Variants in OR56A3 observed in about 807,000 individuals in gnomAD.
OR56A3 encodes the protein olfactory receptor family 56 subfamily A member 3, also known as olfactory receptor 56A3.
In OR56A3, 23 loss-of-function variants were observed where a neutral mutation model predicts 17.5. The observed-to-expected ratio is 1.32, with a 90% CI of 0.95 to 1.87. OR56A3 has a LOEUF of 1.87. OR56A3 is among the 40% of genes most tolerant of loss of function. The pLI is 0.00. For missense variants in OR56A3, 366 were observed against 380.1 expected (o/e 0.96, Z 0.31); for synonymous variants, 175 against 150.6 (o/e 1.16, Z -1.19).
Position 5,948,267 on chromosome 11 carries a change from G to T in OR56A3, c.921G>T (p.Met307Ile). The T allele has an allele frequency of 6.2e-7, 1 of 1,613,852 alleles. No homozygotes were observed. The highest frequency in any genetic ancestry group is 1.7e-5 in the Admixed American group (1 of 60,006). Reference protein sequence around the residue: ...GVRTQEIKQGMQRLLKKGC With the variant: ...GVRTQEIKQGIQRLLKKGC ...GAACCCAAGAAATTAAGCAGGGAAT[G>T]CAGAGGTTGTTGAAGAAAGGGTGCT... Residue 307 changes from methionine to isoleucine, a missense_variant, in exon 3 of 3, where the codon ATG becomes ATT. Met to Ile is a conservative substitution (Grantham distance 10). Coordinates refer to ENST00000641160, the MANE Select transcript of OR56A3 (RefSeq NM_001003443.3).
At chr11:5,969,909 A>C in the OR56A3 span, among the ~76,000 whole-genome samples, 1 of 137,038 alleles carries the variant, frequency 7.3e-6, no homozygotes, top group African/African-American at 2.9e-5. Flanking sequence ...GTATAAATAT[A>C]ATGATAGTGA....
chr11:5,942,405 T>C (rs558295109), intron 1 of OR56A3, 31 bp downstream of exon 1: 18 of 152,172 alleles, frequency 1.2e-4, no homozygotes, highest in Admixed American at 2.0e-4. Context: ...TGGGACCTTC[T>C]CTCTTTTGCC....
the OR56A3 span, among the ~76,000 whole-genome samples, chr11:6,011,213 T>C: frequency 1.3e-5 from 2 of 149,156 alleles, no homozygotes; most frequent in African/African-American, 2.4e-5. Context: ...TTTATATATA[T>C]ATATATATAC....
chr11:6,007,866 T>C, the OR56A3 span, among the ~76,000 whole-genome samples: 1 of 152,112 alleles, frequency 6.6e-6, no homozygotes, highest in Non-Finnish European at 1.5e-5. Flanking sequence ...GCAGTGGGAG[T>C]ATCAGTGGTC....
At chr11:5,998,497 C>T in the OR56A3 span, among the ~76,000 whole-genome samples, 9 of 152,256 alleles carry the variant, frequency 5.9e-5, no homozygotes, top group East Asian at 1.3e-3. Context: ...AAAGTGATAA[C>T]ACCAAGGGAA....
At chr11:5,968,841 A>G in the OR56A3 span, among the ~76,000 whole-genome samples, 1 of 152,242 alleles carries the variant, frequency 6.6e-6, no homozygotes, top group Non-Finnish European at 1.5e-5. Context: ...ATAGATCCAC[A>G]GGCTAGAAAC....
the OR56A3 span, among the ~76,000 whole-genome samples, chr11:5,996,094 G>T: frequency 1.3e-5 from 2 of 152,100 alleles, no homozygotes; most frequent in African/African-American, 2.4e-5. Flanking sequence ...TATGTCAAAG[G>T]GATGTCTATA....
the OR56A3 span, chr11:6,001,204 A>C: frequency 6.6e-6 from 1 of 152,246 alleles, no homozygotes; most frequent in Non-Finnish European, 1.5e-5. Context: ...AGCAAACAGC[A>C]TCAGAGGGAA....
chr11:5,956,759 T>C, the OR56A3 span, among the ~76,000 whole-genome samples: 1 of 152,184 alleles, frequency 6.6e-6, no homozygotes, highest in African/African-American at 2.4e-5. Flanking sequence ...GTCCTCGTGA[T>C]CTCCACTTTC....
chr11:5,995,889 C>T, the OR56A3 span, among the ~76,000 whole-genome samples: 1 of 152,172 alleles, frequency 6.6e-6, no homozygotes, highest in Admixed American at 6.5e-5. Context: ...CTCTCAATCC[C>T]TCCCTCCCAC....
chr11:6,003,702 AT>A, the OR56A3 span, among the ~76,000 whole-genome samples: 263 of 152,002 alleles, frequency 1.7e-3, 2 homozygotes, highest in African/African-American at 6.1e-3. Flanking sequence ...CCTGAAATCC[AT>A]TTTTTTTCCT....
the OR56A3 span, among the ~76,000 whole-genome samples, chr11:5,971,645 A>G: frequency 5.3e-5 from 8 of 152,230 alleles, no homozygotes; most frequent in Admixed American, 5.2e-4. Context: ...AGATGGAGTT[A>G]TAGACATAAA....
chr11:5,964,011 T>G, the OR56A3 span, among the ~76,000 whole-genome samples: 2 of 152,204 alleles, frequency 1.3e-5, no homozygotes, highest in East Asian at 3.8e-4. Context: ...TCTATTATAT[T>G]TTTCATTTTA....
At chr11:5,971,844 G>GA in the OR56A3 span, among the ~76,000 whole-genome samples, 1 of 151,994 alleles carries the variant, frequency 6.6e-6, no homozygotes, top group Non-Finnish European at 1.5e-5. Flanking sequence ...GTACTACACA[G>GA]AAAAAAGTAC....
At chr11:5,944,524 T>C (rs1283590541) in intron 1 of OR56A3, among the ~76,000 whole-genome samples, 1 of 152,234 alleles carries the variant, frequency 6.6e-6, no homozygotes, top group Non-Finnish European at 1.5e-5. Context: ...TAAACATGTA[T>C]GCATCACTAT....
At chr11:5,967,446 G>T in the OR56A3 span, 2 of 831,856 alleles carry the variant, frequency 2.4e-6, no homozygotes, top group African/African-American at 1.7e-5. Context: ...AGAAAGCCAA[G>T]TCTAAACTTA....
At chr11:6,014,192 C>G in the OR56A3 span, among the ~76,000 whole-genome samples, 24 of 152,184 alleles carry the variant, frequency 1.6e-4, no homozygotes, top group African/African-American at 4.8e-4. Flanking sequence ...TCAATAACAA[C>G]CACAGCCTAA....
the OR56A3 span, chr11:6,019,692 G>T: frequency 6.6e-6 from 1 of 152,068 alleles, no homozygotes; most frequent in Non-Finnish European, 1.5e-5. Flanking sequence ...CCTCCCAATT[G>T]TCTTTCCAAT....
the OR56A3 span, chr11:6,003,054 A>C: frequency 1.2e-6 from 2 of 1,613,736 alleles, no homozygotes; most frequent in Non-Finnish European, 1.7e-6. Flanking sequence ...AGAAGTACAG[A>C]AACATAAAAA....
Sources: gnomAD v4.1 joint callset for allele counts (sites outside exome capture counted in the v4.1 genomes callset) on GRCh38, gnomAD v4.1.1 for gene constraint, MANE v1.5 for transcripts, NCBI Gene and HGNC (gene_info 2026-07-23, HGNC 2026-07-21) for gene names.